Variants in DNAJC16 observed in about 807,000 individuals in gnomAD.
The protein encoded by DNAJC16 is dnaJ homolog subfamily C member 16.
In DNAJC16, 76 loss-of-function variants were observed where a neutral mutation model predicts 92.7. The observed-to-expected ratio is 0.82, with a 90% CI of 0.68 to 0.99. DNAJC16 has a LOEUF of 0.99. DNAJC16 is among the 50% of genes least tolerant of loss of function. DNAJC16 has a pLI of 0.00. For missense variants in DNAJC16, 869 were observed against 942.4 expected (o/e 0.92, Z 1.02); for synonymous variants, 328 against 358.7 (o/e 0.91, Z 0.97).
chr1:15,562,304 G>A lies in DNAJC16; in HGVS notation c.1317G>A (p.Glu439=). The part of the protein sequence containing the change: ...EFADTLLPDS[E]AFQGKSAVSI... ...CCGACACCTTACTACCAGACAGTGA[G>A]GCGTTTCAAGGGAAATCAGCGGTAA... The change falls in exon 9 of 15, where the codon GAG becomes GAA. Residue 439 remains glutamate (E), a synonymous_variant. Coordinates refer to ENST00000375847, the MANE Select transcript of DNAJC16 (RefSeq NM_015291.4). The A allele has an allele frequency of 6.2e-7, 1 of 1,613,438 alleles. No homozygotes were observed. The highest frequency in any genetic ancestry group is 1.1e-5 in the South Asian group (1 of 91,006).
chr1:15,528,909 A>G (rs1383237311), intron 1 of DNAJC16, among the ~76,000 whole-genome samples, 179 bp from the exon 2 acceptor site: 1 of 152,176 alleles, frequency 6.6e-6, no homozygotes, highest in Non-Finnish European at 1.5e-5. Flanking sequence ...CTCATTTGTG[A>G]TATTCAAAAG....
In DNAJC16 at chr1:15,559,670, G is replaced by C. The variant is rs760283118; in HGVS notation, c.1154+14G>C. ...TCGACAGAGGAAGTAAGGACTTAAGGCTTTGCCTCTGCTTGTTATTACAAT... is the reference window on the plus strand; with the variant it reads ...TCGACAGAGGAAGTAAGGACTTAAGCCTTTGCCTCTGCTTGTTATTACAAT... On this transcript the variant is annotated intron_variant, in intron 8 of 14. Transcript: ENST00000375847. The C allele has an allele frequency of 1.4e-5, 22 of 1,612,090 alleles. No homozygotes were observed. The highest frequency in any genetic ancestry group is 4.4e-5 in the South Asian group (4 of 90,850).
chr1:15,533,023 C>T (rs1570898315), intron 2 of DNAJC16, among the ~76,000 whole-genome samples: 1 of 152,024 alleles, frequency 6.6e-6, no homozygotes, highest in African/African-American at 2.4e-5. Context: ...AATTGTTTTT[C>T]TTTCCAGAAC....
Position 15,564,058 on chromosome 1 carries a change from G to C in DNAJC16, c.1468G>C (p.Ala490Pro), listed in dbSNP as rs1638754534. Residue 490 changes from alanine (A) to proline (P), a missense_variant, in exon 10 of 15, where the codon GCT becomes CCT. Coordinates refer to ENST00000375847, the MANE Select transcript of DNAJC16 (RefSeq NM_015291.4). ...GYLDQLRKDPALLSSEAVLPD... is the reference protein window; with the variant it reads ...GYLDQLRKDPPLLSSEAVLPD... ...TCTCGACCAGCTGCGTAAAGATCCAGCTCTTCTGTCCTCTGAAGCAGTGCT... is the reference window on the plus strand; with the variant it reads ...TCTCGACCAGCTGCGTAAAGATCCACCTCTTCTGTCCTCTGAAGCAGTGCT... 1 of 1,613,836 alleles carries C rather than the reference G, an allele frequency of 6.2e-7. No individual in the cohort carries two copies.
At chr1:15,543,441 C>T (rs925001337) in intron 4 of DNAJC16, among the ~76,000 whole-genome samples, 3 of 152,162 alleles carry the variant, frequency 2.0e-5, no homozygotes, top group Non-Finnish European at 2.9e-5. Context: ...TGGGGACTGG[C>T]GCAGGCTGTT....
intron 2 of DNAJC16, among the ~76,000 whole-genome samples, chr1:15,530,644 T>G (rs1197513993): frequency 6.6e-6 from 1 of 152,232 alleles, no homozygotes; most frequent in African/African-American, 2.4e-5. Flanking sequence ...TCTATACTTT[T>G]TATCTCATTT....
At chr1:15,546,061 T>A (rs1259531956) in intron 5 of DNAJC16, among the ~76,000 whole-genome samples, 1 of 152,094 alleles carries the variant, frequency 6.6e-6, no homozygotes, top group African/African-American at 2.4e-5. Flanking sequence ...TCCCAGCACT[T>A]TAGGAGGCTG....
rs1710729116 is a variant in DNAJC16 at position 15,534,275 on chromosome 1, A to C, written c.206A>C (p.Lys69Thr). Residue 69 changes from lysine to threonine, a missense_variant, in exon 3 of 15, where the codon AAG becomes ACG. Transcript: ENST00000375847. ...DKNKDPGAED[K>T]FIQISKAYEI... ...AACAAAGATCCTGGAGCAGAAGACA[A>C]GTTCATTCAAATCAGTAAGGCTTAC... 2.5e-6 allele frequency: 4 copies of C among 1,614,126 alleles called. No homozygotes were observed. The highest frequency in any genetic ancestry group is 1.6e-4 in the Middle Eastern group (1 of 6,062).
At chr1:15,558,562 G>A (rs1283547841) in intron 7 of DNAJC16, among the ~76,000 whole-genome samples, 1 of 152,038 alleles carries the variant, frequency 6.6e-6, no homozygotes, top group East Asian at 1.9e-4. Context: ...TAACTCTTGG[G>A]TTCAAGGGAT....
chr1:15,536,710 G>T lies in DNAJC16; in HGVS notation c.470G>T (p.Ser157Ile). The change falls in exon 4 of 15, where the codon AGC (serine) becomes ATC (isoleucine). Residue 157 changes from serine to isoleucine, a missense_variant. Transcript: ENST00000375847. Reference protein sequence around the residue: ...SHYVNEVVPDSFKKPYLIKIT... With the variant: ...SHYVNEVVPDIFKKPYLIKIT... ...TATGTGAATGAAGTGGTTCCAGATA[G>T]CTTCAAGAAACCCTACCTCATCAAG... 1 of 1,614,184 alleles carries T rather than the reference G, an allele frequency of 6.2e-7. No homozygotes were observed. Among genetic ancestry groups the T allele is most frequent in the Non-Finnish European group, 8.5e-7 (1 of 1,180,040 alleles).
intron 11 of DNAJC16, among the ~76,000 whole-genome samples, chr1:15,564,654 G>A (rs1478502965): frequency 2.0e-5 from 3 of 150,794 alleles, no homozygotes; most frequent in African/African-American, 4.9e-5. Flanking sequence ...TCAGCCTCCT[G>A]AGTAGCTGGG....
In DNAJC16 at chr1:15,529,081, A is replaced by T. The variant is rs775192151; in HGVS notation, c.-18-7A>T. On this transcript the variant is annotated splice_polypyrimidine_tract_variant and splice_region_variant and intron_variant, in intron 1 of 14. Coordinates refer to ENST00000375847, the MANE Select transcript of DNAJC16 (RefSeq NM_015291.4). ...ACTGAAACTCATTGCCTCTTCAATCATTTCAGCTCTGGAAAGGAAGAGAAA... is the reference window on the plus strand; with the variant it reads ...ACTGAAACTCATTGCCTCTTCAATCTTTTCAGCTCTGGAAAGGAAGAGAAA... 1.2e-6 allele frequency: 2 copies of T among 1,609,986 alleles called. No homozygotes were observed. The highest frequency in any genetic ancestry group is 1.3e-5 in the African/African-American group (1 of 74,810).
intron 4 of DNAJC16, among the ~76,000 whole-genome samples, chr1:15,537,114 G>A (rs757009565): frequency 7.2e-5 from 11 of 152,204 alleles, no homozygotes; most frequent in Non-Finnish European, 1.5e-4. Flanking sequence ...GCCTCCCACA[G>A]TACTGGGATG....
At chr1:15,560,116 A>G (rs145428622) in intron 8 of DNAJC16, 188 of 152,816 alleles carry the variant, frequency 1.2e-3, no homozygotes, top group Middle Eastern at 0.011. Flanking sequence ...TAATCATACT[A>G]ATATGATGTA....
At chr1:15,567,371 C>A in intron 14 of DNAJC16, 102 bp downstream of exon 14, 2 of 1,220,862 alleles carry the variant, frequency 1.6e-6, no homozygotes, top group Non-Finnish European at 2.3e-6. Flanking sequence ...GGGCTTCATC[C>A]ATACAGCAAG....
chr1:15,553,399 AATT>A (rs1460153191), intron 7 of DNAJC16, among the ~76,000 whole-genome samples: 4 of 150,716 alleles, frequency 2.7e-5, no homozygotes, highest in Non-Finnish European at 4.4e-5. Flanking sequence ...ACGCCCAGCT[AATT>A]TTTGTATTTT....
intron 2 of DNAJC16, among the ~76,000 whole-genome samples, chr1:15,531,186 C>G (rs1710651908): frequency 6.6e-6 from 1 of 152,114 alleles, no homozygotes. Flanking sequence ...AGGAAGTTAT[C>G]CAGAAGCAAA....
rs559549172 is a variant in DNAJC16 at position 15,568,897 on chromosome 1, G to A, written c.*720G>A. The A allele has an allele frequency of 2.0e-5, 8 of 392,648 alleles. No homozygotes were observed. The highest frequency in any genetic ancestry group is 1.4e-4 in the South Asian group (1 of 6,976). The allele number at this position is 392,648 out of a possible 1,614,324, so 24.3% of individuals were successfully genotyped here. A position where few individuals can be genotyped will look rare whatever the true frequency, so the allele number is the denominator to read the frequency against. ...ACACGCTGTGAGCATCCCATCCGCC[G>A]CCCCAGCGCTGCTGGTAGCCAGGGG... On this transcript the variant is annotated 3_prime_UTR_variant, in exon 15 of 15. Coordinates refer to ENST00000375847, the MANE Select transcript of DNAJC16 (RefSeq NM_015291.4).
intron 3 of DNAJC16, among the ~76,000 whole-genome samples, 170 bp from the exon 4 acceptor site, chr1:15,536,305 C>G (rs1013310746): frequency 2.0e-5 from 3 of 152,034 alleles, no homozygotes; most frequent in African/African-American, 7.2e-5. Flanking sequence ...ATCTCAAACT[C>G]CCGACCTCAA....
Sources: gnomAD v4.1 joint callset for allele counts (sites outside exome capture counted in the v4.1 genomes callset) on GRCh38, gnomAD v4.1.1 for gene constraint, MANE v1.5 for transcripts, NCBI Gene and HGNC (gene_info 2026-07-23, HGNC 2026-07-21) for gene names.